Variants in INO80 observed in about 807,000 individuals in gnomAD.
INO80 encodes INO80 complex ATPase subunit.
INO80 carries 20 observed loss-of-function variants against 203.4 expected under a neutral mutation model. The observed-to-expected ratio is 0.10, with a 90% confidence interval of 0.07 to 0.14. INO80 has a LOEUF of 0.14. Ranked by LOEUF, INO80 falls within the 10% of genes least tolerant of loss-of-function variation. The pLI is 1.00. For missense variants in INO80, 1,419 were observed against 1,914.4 expected (o/e 0.74, Z 4.83); for synonymous variants, 726 against 685.2 (o/e 1.06, Z -0.93).
chr15:41,023,768 C>CAAAAAAAAAA (rs139814568), intron 25 of INO80, among the ~76,000 whole-genome samples: 1 of 63,554 alleles, frequency 1.6e-5, no homozygotes, highest in East Asian at 5.2e-4. Context: ...GACTCTGTCT[C>CAAAAAAAAAA]AAAAAAAAAA....
intron 5 of INO80, among the ~76,000 whole-genome samples, chr15:41,090,434 G>A (rs545036719): frequency 1.6e-4 from 25 of 152,254 alleles, no homozygotes; most frequent in Admixed American, 3.9e-4. Flanking sequence ...AAAAAAAGCC[G>A]GGCGTGGTGG....
At chr15:40,988,802 G>A (rs139150359) in intron 29 of INO80, among the ~76,000 whole-genome samples, 4,025 of 152,298 alleles carry the variant, frequency 0.026, 166 homozygotes, top group African/African-American at 0.092. Context: ...ATTACTTGAG[G>A]TCAGGAGTTT....
intron 16 of INO80, 86 bp from the exon 17 acceptor site, chr15:41,056,792 C>A: frequency 9.3e-7 from 1 of 1,078,994 alleles, no homozygotes; most frequent in Non-Finnish European, 1.4e-6. Flanking sequence ...GACAAAAATG[C>A]CTTCCAAAAA....
At chr15:40,985,049 C>T (rs1596232439) in intron 32 of INO80, among the ~76,000 whole-genome samples, 2 of 152,092 alleles carry the variant, frequency 1.3e-5, no homozygotes, top group Non-Finnish European at 2.9e-5. Context: ...TAAGTAATGC[C>T]CATCTTAGTC....
At chr15:41,050,246 G>A in intron 19 of INO80, 144 bp from the exon 20 acceptor site, 1 of 570,506 alleles carries the variant, frequency 1.8e-6, no homozygotes, top group Non-Finnish European at 3.1e-6. Context: ...ACCTGTGAAT[G>A]TGGACAATCA....
intron 12 of INO80, 21 bp downstream of exon 12, chr15:41,071,828 T>C (rs777187884): frequency 3.2e-6 from 5 of 1,564,304 alleles, no homozygotes; most frequent in Admixed American, 1.7e-5. Flanking sequence ...TAGAAGAGAA[T>C]GACACGGTTC....
Position 41,071,921 on chromosome 15 carries a change from G to C in INO80, c.1533C>G (p.Pro511=). The C allele has an allele frequency of 6.2e-7, 1 of 1,614,008 alleles. No homozygotes were observed. The highest frequency in any genetic ancestry group is 2.2e-5 in the East Asian group (1 of 44,878). The part of the protein sequence containing the change: ...SIRAGEDIPQ[P]TIFNGKLKGY... ...CTTTCAATTTGCCATTAAAAATTGTGGGCTGTGGAATATCCTCACCAGCCC... is the reference window on the plus strand; with the variant it reads ...CTTTCAATTTGCCATTAAAAATTGTCGGCTGTGGAATATCCTCACCAGCCC... The change falls in exon 12 of 36, where the codon CCC becomes CCG. Residue 511 remains proline (P), a synonymous_variant. Transcript: ENST00000648947.
chr15:40,981,739 T>C (rs912395274), intron 35 of INO80, among the ~76,000 whole-genome samples: 13 of 152,190 alleles, frequency 8.5e-5, no homozygotes, highest in Non-Finnish European at 1.9e-4. Context: ...CCTTCACATA[T>C]CACGGTCACA....
intron 20 of INO80, 133 bp downstream of exon 20, chr15:41,049,802 C>G (rs1257081642): frequency 1.3e-6 from 1 of 788,214 alleles, no homozygotes; most frequent in Non-Finnish European, 2.0e-6. Flanking sequence ...AGGAGAATTG[C>G]CTGAACCTGG....
chr15:40,980,381 A>G lies in INO80; in HGVS notation c.4513T>C (p.Phe1505Leu). ...GGAGAAGAGGCGCTTGAAGGTCCAA[A>G]GTCAGCAAGGCCAGCAGGCCGAACA... ...SLVRPAGLADFGPSSASSPLS... is the reference protein window; with the variant it reads ...SLVRPAGLADLGPSSASSPLS... Residue 1505 changes from phenylalanine to leucine, a missense_variant, in exon 36 of 36, where the codon TTT (phenylalanine) becomes CTT (leucine). Phe to Leu is a conservative substitution (Grantham distance 22). Around this residue, in one of 9 missense-constraint regions of INO80, gnomAD observed 112 missense variants for 106.2 expected, o/e 1.05. Coordinates refer to ENST00000648947, the MANE Select transcript of INO80 (RefSeq NM_017553.3). 6.2e-7 allele frequency: 1 copy of G among 1,613,992 alleles called. No individual in the cohort carries two copies. Among genetic ancestry groups the G allele is most frequent in the Non-Finnish European group, 8.5e-7 (1 of 1,180,024 alleles).
chr15:41,048,131 C>T, intron 22 of INO80, 81 bp downstream of exon 22: 1 of 1,060,770 alleles, frequency 9.4e-7, no homozygotes, highest in African/African-American at 1.6e-5. Flanking sequence ...AATACTCGTT[C>T]TAAATCAGTC....
chr15:41,056,000 G>A (rs945686462), intron 17 of INO80, among the ~76,000 whole-genome samples: 5 of 139,038 alleles, frequency 3.6e-5, no homozygotes, highest in Admixed American at 7.9e-5. Flanking sequence ...GCTGGCATAC[G>A]GTGGCACAAT....
At chr15:41,060,631 A>C (rs2045087346) in intron 14 of INO80, among the ~76,000 whole-genome samples, 1 of 152,194 alleles carries the variant, frequency 6.6e-6, no homozygotes, top group Admixed American at 6.5e-5. Context: ...TCTTGTAACC[A>C]GCCACATCCC....
At chr15:41,029,126 C>G (rs1026632322) in intron 24 of INO80, among the ~76,000 whole-genome samples, 3 of 152,184 alleles carry the variant, frequency 2.0e-5, no homozygotes, top group Non-Finnish European at 4.4e-5. Flanking sequence ...ACAAGGCAGT[C>G]TAATTTATAC....
intron 4 of INO80, 42 bp downstream of exon 4, chr15:41,095,559 A>C: frequency 7.2e-7 from 1 of 1,386,224 alleles, no homozygotes; most frequent in Non-Finnish European, 1.0e-6. Context: ...TAGTAACTTT[A>C]GTAGACTATC....
chr15:41,048,321 A>C, intron 21 of INO80, 45 bp from the exon 22 acceptor site: 1 of 1,447,034 alleles, frequency 6.9e-7, no homozygotes, highest in Non-Finnish European at 9.7e-7. Flanking sequence ...AAACATAAAT[A>C]ATGGAAAGTT....
chr15:41,036,543 TA>T (rs111452551), intron 24 of INO80, among the ~76,000 whole-genome samples: 63,745 of 151,916 alleles, frequency 0.42, 13,583 homozygotes, highest in Middle Eastern at 0.48. Context: ...AAATTCTATT[TA>T]AAATATTAAG....
Position 41,085,030 on chromosome 15 carries a change from C to G in INO80, c.873+339G>C, listed in dbSNP as rs184770856. Among the ~76,000 whole-genome samples the G allele has an allele frequency of 1.2e-4, 19 of 152,338 alleles. No homozygotes were observed. The East Asian group carries it at 1.5e-3, about 12-fold the overall frequency. Reference sequence around the variant, plus strand: ...GGGATTACAGGTGTGACCTGCCATGCCTGGCCTCTTTTTAATTTTTTCTAA... The same window carrying G: ...GGGATTACAGGTGTGACCTGCCATGGCTGGCCTCTTTTTAATTTTTTCTAA... On this transcript the variant is annotated intron_variant, in intron 7 of 35. Coordinates refer to ENST00000648947, the MANE Select transcript of INO80 (RefSeq NM_017553.3).
chr15:41,102,438 C>T (rs1000426950), intron 1 of INO80, among the ~76,000 whole-genome samples: 19 of 152,174 alleles, frequency 1.2e-4, no homozygotes, highest in African/African-American at 3.6e-4. Context: ...GAGGCCGAGG[C>T]GGGCAATCAC....
Sources: allele counts gnomAD v4.1 joint callset (sites outside exome capture counted in the v4.1 genomes callset), GRCh38; gene constraint gnomAD v4.1.1; regional missense constraint gnomAD v4.1.1; transcripts MANE v1.5; gene names NCBI Gene and HGNC (gene_info 2026-07-23, HGNC 2026-07-21).